Variants in MAN2B2 observed in about 807,000 individuals in gnomAD.
MAN2B2 encodes epididymis-specific alpha-mannosidase.
Under a neutral mutation model 117.1 loss-of-function variants are expected in MAN2B2, and 106 were observed. The observed-to-expected ratio is 0.90, with a 90% confidence interval of 0.77 to 1.06. The LOEUF is 1.06. MAN2B2 is among the 50% of genes least tolerant of loss of function. The pLI is 0.00. For missense variants in MAN2B2, 1,326 were observed against 1,381.4 expected (o/e 0.96, Z 0.64); for synonymous variants, 544 against 595.1 (o/e 0.91, Z 1.25).
At chr4:6,611,589 A>G (rs1174705626) in intron 15 of MAN2B2, among the ~76,000 whole-genome samples, 1 of 148,490 alleles carries the variant, frequency 6.7e-6, no homozygotes, top group East Asian at 1.9e-4. Context: ...ACATTATGTC[A>G]CCATGTCACT....
chr4:6,583,341 A>G (rs1726512856), intron 3 of MAN2B2, among the ~76,000 whole-genome samples: 1 of 152,134 alleles, frequency 6.6e-6, no homozygotes, highest in African/African-American at 2.4e-5. Flanking sequence ...TGTGACCTCT[A>G]CCAGTTGCAA....
At chr4:6,613,351 G>C (rs971907438) in intron 15 of MAN2B2, among the ~76,000 whole-genome samples, 2 of 152,110 alleles carry the variant, frequency 1.3e-5, no homozygotes, top group Non-Finnish European at 2.9e-5. Context: ...CACTTCGGGA[G>C]GGCAAGACGG....
intron 10 of MAN2B2, among the ~76,000 whole-genome samples, chr4:6,601,773 CA>C (rs1241544632): frequency 6.6e-6 from 1 of 152,228 alleles, no homozygotes; most frequent in African/African-American, 2.4e-5. Context: ...GCAAGAGCTG[CA>C]GACAAAGACC....
At chr4:6,597,027 C>T in intron 7 of MAN2B2, 86 bp from the exon 8 acceptor site, 1 of 1,357,700 alleles carries the variant, frequency 7.4e-7, no homozygotes, top group Non-Finnish European at 1.0e-6. Context: ...CTCTGCAGCC[C>T]CAGCTTCTCA....
chr4:6,579,318 A>G (rs1433187425), intron 3 of MAN2B2, among the ~76,000 whole-genome samples: 10 of 110,490 alleles, frequency 9.1e-5, no homozygotes, highest in South Asian at 3.5e-4. Flanking sequence ...CACCACCACC[A>G]TCACCACCAC....
Position 6,622,575 on chromosome 4 carries a change from A to G in MAN2B2, c.*1290A>G, listed in dbSNP as rs1712223095. On this transcript the variant is annotated 3_prime_UTR_variant, in exon 19 of 19. Coordinates refer to ENST00000285599, the MANE Select transcript of MAN2B2 (RefSeq NM_015274.3). Reference sequence around the variant, plus strand: ...AGCCTCTGCCTCCCGAGTAGCTGCTACTAGAGATGCACCACTGCGTCAGCT... The same window carrying G: ...AGCCTCTGCCTCCCGAGTAGCTGCTGCTAGAGATGCACCACTGCGTCAGCT... 6.6e-6 allele frequency: 1 copy of G among 151,768 alleles called. No homozygotes were observed. The highest frequency in any genetic ancestry group is 1.5e-5 in the Non-Finnish European group (1 of 68,012). The allele number at this position is 151,768 out of a possible 1,614,324, so 9.4% of individuals were successfully genotyped here.
In MAN2B2 at chr4:6,580,100, CT is replaced by C. The variant is rs566697371; in HGVS notation, c.391+1603del. Among the ~76,000 whole-genome samples, 25 of 152,310 alleles carry C rather than the reference CT, an allele frequency of 1.6e-4. 2 individuals are homozygous for C. In the South Asian group the frequency reaches 4.8e-3, roughly 29 times the overall value. ...ATGTTGTCAAAGGATGTTTTTGGCA[CT>C]CTCCCTTTTCTCATCTGTAATCTGG... On this transcript the variant is annotated intron_variant, in intron 3 of 18. Coordinates refer to ENST00000285599, the MANE Select transcript of MAN2B2 (RefSeq NM_015274.3).
chr4:6,590,311 G>C (rs907640224), intron 5 of MAN2B2, among the ~76,000 whole-genome samples: 1 of 151,120 alleles, frequency 6.6e-6, no homozygotes, highest in African/African-American at 2.4e-5. Flanking sequence ...CTTGAACCCG[G>C]GAGGCACAGG....
In MAN2B2 at chr4:6,609,803, T is replaced by C. The variant is rs61733400; in HGVS notation, c.2012T>C (p.Met671Thr). ...GATGCTCCCTTCTCCTCCAGGAACA[T>C]GACAGCACAGAATTACACGTATGCA... ...TEIRQYFYRN[M>T]TAQNYTYAIR... The change falls in exon 13 of 19, where the codon ATG (methionine) becomes ACG (threonine). Residue 671 changes from methionine (M) to threonine (T), a missense_variant. Met to Thr is a moderately conservative substitution (Grantham distance 81). Transcript: ENST00000285599. 2.8e-3 allele frequency: 4,108 copies of C among 1,490,122 alleles called. 107 individuals carry two copies. In the African/African-American group the frequency reaches 0.049, roughly 18 times the overall value. The allele number at this position is 1,490,122 out of a possible 1,614,324, so 92.3% of individuals were successfully genotyped here. A position where few individuals can be genotyped will look rare whatever the true frequency, so the allele number is the denominator to read the frequency against.
chr4:6,592,342 G>A (rs1298342338), intron 5 of MAN2B2, among the ~76,000 whole-genome samples: 4 of 152,212 alleles, frequency 2.6e-5, no homozygotes, highest in Non-Finnish European at 5.9e-5. Context: ...AGAGGTGGCA[G>A]TGCTGGTGGC....
At chr4:6,617,345 G>C in intron 16 of MAN2B2, 35 bp from the exon 17 acceptor site, 1 of 1,565,076 alleles carries the variant, frequency 6.4e-7, no homozygotes, top group Non-Finnish European at 8.8e-7. Flanking sequence ...TGGTTGATGA[G>C]GGTCTTCACT....
chr4:6,584,202 C>T (rs1215564343), intron 3 of MAN2B2, among the ~76,000 whole-genome samples: 1 of 152,214 alleles, frequency 6.6e-6, no homozygotes, highest in African/African-American at 2.4e-5. Flanking sequence ...TCATGCTTGT[C>T]TAACTACCTG....
At chr4:6,583,096 C>T (rs1726498956) in intron 3 of MAN2B2, among the ~76,000 whole-genome samples, 1 of 152,220 alleles carries the variant, frequency 6.6e-6, no homozygotes, top group Non-Finnish European at 1.5e-5. Flanking sequence ...TGTTGCCTGC[C>T]TGAGTTGCAG....
intron 10 of MAN2B2, among the ~76,000 whole-genome samples, chr4:6,604,100 C>T (rs1341045300): frequency 1.3e-5 from 2 of 152,146 alleles, no homozygotes; most frequent in Admixed American, 1.3e-4. Flanking sequence ...GTGGAGGGCA[C>T]AGCGTGGCAC....
chr4:6,597,394 G>A, intron 8 of MAN2B2, 91 bp downstream of exon 8: 1 of 1,315,054 alleles, frequency 7.6e-7, no homozygotes, highest in South Asian at 1.5e-5. Flanking sequence ...TCCAGCCCTG[G>A]GGCACTAGAG....
chr4:6,611,891 T>G (rs978482094), intron 15 of MAN2B2, among the ~76,000 whole-genome samples: 2 of 152,350 alleles, frequency 1.3e-5, no homozygotes, highest in Non-Finnish European at 2.9e-5. Context: ...GGACTTATTC[T>G]GTACCTCCAC....
At chr4:6,600,072 G>C (rs921020446) in intron 9 of MAN2B2, among the ~76,000 whole-genome samples, 6 of 152,234 alleles carry the variant, frequency 3.9e-5, no homozygotes, top group African/African-American at 1.4e-4. Context: ...CTGGGTTCAG[G>C]GATCCAGGAG....
At position 6,605,037 on chromosome 4, in the gene MAN2B2, A is replaced by AG; in HGVS notation, c.1540-18_1540-17insG. 1 of 1,603,542 alleles carries AG rather than the reference A, an allele frequency of 6.2e-7. No homozygotes were observed. The highest frequency in any genetic ancestry group is 8.5e-7 in the Non-Finnish European group (1 of 1,172,236). On this transcript the variant is annotated splice_polypyrimidine_tract_variant and intron_variant, in intron 10 of 18. Transcript: ENST00000285599. ...TGAGAGCTGACAGTTAACAAGTCTC[A>AG]TCCTGCTGGCCTTGCAGATCCAGAA...
chr4:6,609,032 G>A (rs1000734358), intron 11 of MAN2B2, 75 bp from the exon 12 acceptor site: 8 of 1,419,692 alleles, frequency 5.6e-6, no homozygotes, highest in South Asian at 1.3e-5. Flanking sequence ...CATCTGGAGA[G>A]AGAGGCTTGC....
Sources: allele counts gnomAD v4.1 joint callset (sites outside exome capture counted in the v4.1 genomes callset), GRCh38; gene constraint gnomAD v4.1.1; transcripts MANE v1.5; gene names NCBI Gene and HGNC (gene_info 2026-07-23, HGNC 2026-07-21).